The following TAS2R1 variants were observed in gnomAD, a reference collection of about 807,000 sequenced individuals.
TAS2R1 encodes the protein taste 2 receptor member 1, also known as taste receptor type 2 member 1.
For missense variants in TAS2R1, 370 were observed against 353.4 expected (o/e 1.05, Z -0.38); for synonymous variants, 141 against 134.2 (o/e 1.05, Z -0.35).
At chr5:9,837,426 C>T in the TAS2R1 span, among the ~76,000 whole-genome samples, 3 of 152,196 alleles carry the variant, frequency 2.0e-5, no homozygotes, top group African/African-American at 7.2e-5. Context: ...TCCGCAGGAA[C>T]CTTTGGTGGA....
At chr5:9,842,212 AAAGTCAGAC>A in the TAS2R1 span, among the ~76,000 whole-genome samples, 2 of 151,886 alleles carry the variant, frequency 1.3e-5, no homozygotes, top group Admixed American at 6.6e-5. Flanking sequence ...TTTTTTATTG[AAAGTCAGAC>A]ATTATCTATT....
chr5:9,791,416 G>A, the TAS2R1 span, among the ~76,000 whole-genome samples: 14 of 152,278 alleles, frequency 9.2e-5, no homozygotes, highest in Admixed American at 3.9e-4. Context: ...TGCTGAAACC[G>A]GACCGGGTGC....
At chr5:9,697,562 C>T (rs1446720869) in intron 1 of TAS2R1, among the ~76,000 whole-genome samples, 2 of 152,114 alleles carry the variant, frequency 1.3e-5, no homozygotes, top group African/African-American at 4.8e-5. Context: ...AAAAAATAAT[C>T]TGCCCCATAA....
chr5:9,635,146 TA>T (rs1739940680), upstream of TAS2R1, among the ~76,000 whole-genome samples: 1 of 152,176 alleles, frequency 6.6e-6, no homozygotes, highest in Non-Finnish European at 1.5e-5. Context: ...CTAAGGGTTT[TA>T]ATCATAAAGG....
At chr5:9,819,092 A>C in the TAS2R1 span, among the ~76,000 whole-genome samples, 1 of 152,198 alleles carries the variant, frequency 6.6e-6, no homozygotes, top group Non-Finnish European at 1.5e-5. Flanking sequence ...TGCCCTCCTT[A>C]GAGCCCTCAG....
At chr5:9,668,137 A>C (rs148344295) in intron 1 of TAS2R1, among the ~76,000 whole-genome samples, 3 of 152,226 alleles carry the variant, frequency 2.0e-5, no homozygotes, top group Admixed American at 6.5e-5. Context: ...CACAAATATC[A>C]ACAGCAGAAT....
At chr5:9,866,186 G>A in the TAS2R1 span, among the ~76,000 whole-genome samples, 1 of 152,008 alleles carries the variant, frequency 6.6e-6, no homozygotes, top group South Asian at 2.1e-4. Context: ...CCCATTGATT[G>A]AAATCTCAAT....
At chr5:9,688,284 T>C (rs1196873224) in intron 1 of TAS2R1, among the ~76,000 whole-genome samples, 4 of 152,300 alleles carry the variant, frequency 2.6e-5, no homozygotes, top group South Asian at 4.1e-4. Context: ...AAATGAGTTT[T>C]AGAAATATAA....
chr5:9,839,706 A>G, the TAS2R1 span, among the ~76,000 whole-genome samples: 27 of 152,354 alleles, frequency 1.8e-4, no homozygotes, highest in African/African-American at 6.5e-4. Flanking sequence ...GCAAGGCTGA[A>G]CAACAGACGG....
intron 1 of TAS2R1, among the ~76,000 whole-genome samples, chr5:9,710,226 A>G (rs1456568500): frequency 6.6e-6 from 1 of 151,858 alleles, no homozygotes; most frequent in African/African-American, 2.4e-5. Context: ...ATGCACTCCA[A>G]CTCACTGAGA....
chr5:9,695,303 G>A (rs1258726044), intron 1 of TAS2R1, among the ~76,000 whole-genome samples: 3 of 152,178 alleles, frequency 2.0e-5, no homozygotes, highest in East Asian at 1.9e-4. Context: ...AAATAATGTT[G>A]AAGATTCAGG....
chr5:9,695,747 G>T (rs17273158), intron 1 of TAS2R1, among the ~76,000 whole-genome samples: 27,891 of 152,008 alleles, frequency 0.18, 3,055 homozygotes, highest in Middle Eastern at 0.25. Context: ...CTCAGCTAGG[G>T]TACATGCCTC....
the TAS2R1 span, among the ~76,000 whole-genome samples, chr5:9,867,888 C>A: frequency 6.6e-6 from 1 of 152,128 alleles, no homozygotes; most frequent in Non-Finnish European, 1.5e-5. Context: ...GAGAAATTGG[C>A]AAAAACAAAG....
rs1460748462 is a variant in TAS2R1, at chr5:9,628,187, C to A, written c.*946G>T. ...ATCTATCTATCTATCTCTTAGTATT[C>A]AAAATCTCAACCAAACAGAAAATGC... On this transcript the variant is annotated 3_prime_UTR_variant, in exon 1 of 1. Coordinates refer to ENST00000382492, the MANE Select transcript of TAS2R1 (RefSeq NM_019599.3). Among the ~76,000 whole-genome samples the A allele has an allele frequency of 6.7e-6, 1 of 148,624 alleles. No homozygotes were observed. Among genetic ancestry groups the A allele is most frequent in the Non-Finnish European group, 1.5e-5 (1 of 67,054 alleles).
At chr5:9,864,360 G>A in the TAS2R1 span, among the ~76,000 whole-genome samples, 4 of 152,144 alleles carry the variant, frequency 2.6e-5, no homozygotes, top group African/African-American at 4.8e-5. Flanking sequence ...GGGTGCAGTG[G>A]CTCATGCCTG....
the TAS2R1 span, among the ~76,000 whole-genome samples, chr5:9,795,109 CT>C: frequency 6.6e-6 from 1 of 152,140 alleles, no homozygotes; most frequent in Non-Finnish European, 1.5e-5. Context: ...CTATTTGAAA[CT>C]GTATCATATA....
chr5:9,739,555 T>C, the TAS2R1 span, among the ~76,000 whole-genome samples: 3 of 152,258 alleles, frequency 2.0e-5, no homozygotes, highest in Non-Finnish European at 4.4e-5. Flanking sequence ...TACTCTGTCA[T>C]CTTTGGCAAT....
the TAS2R1 span, among the ~76,000 whole-genome samples, chr5:9,899,012 G>A: frequency 3.3e-5 from 5 of 152,082 alleles, no homozygotes; most frequent in Admixed American, 3.3e-4. Context: ...AATGCTAACC[G>A]TGCCTACCAT....
At chr5:9,712,511 T>C (rs1441603770), upstream of TAS2R1, 1 of 152,234 alleles carries the variant, frequency 6.6e-6, no homozygotes, top group Non-Finnish European at 1.5e-5. Context: ...AGAGCGAAGA[T>C]TGAGGCTTCT....
Sources: gnomAD v4.1 joint callset for allele counts (sites outside exome capture counted in the v4.1 genomes callset) on GRCh38, gnomAD v4.1.1 for gene constraint, MANE v1.5 for transcripts, NCBI Gene and HGNC (gene_info 2026-07-23, HGNC 2026-07-21) for gene names.